The following CERS4 variants were observed in gnomAD, a reference collection of about 807,000 sequenced individuals.
CERS4 encodes ceramide synthase 4, also known as LAG1 homolog, ceramide synthase 4.
A neutral mutation model predicts 51.8 loss-of-function variants in CERS4; 65 were observed. The observed-to-expected ratio is 1.26, with a 90% CI of 1.03 to 1.54. The LOEUF (loss-of-function observed/expected upper bound fraction) is 1.54. Ranked by LOEUF, CERS4 falls within the 40% of genes most tolerant of loss-of-function variation. CERS4 has a pLI of 0.00. For missense variants in CERS4, 563 were observed against 500.4 expected (o/e 1.13, Z -1.19); for synonymous variants, 228 against 208.4 (o/e 1.09, Z -0.81).
chr19:8,249,849 AAAGTGCT>A (rs1968986250), intron 2 of CERS4, among the ~76,000 whole-genome samples: 3 of 151,586 alleles, frequency 2.0e-5, no homozygotes, highest in Admixed American at 1.3e-4. Context: ...TCGGCCTCCC[AAAGTGCT>A]GGGATTACAG....
intron 7 of CERS4, 32 bp downstream of exon 7, chr19:8,256,318 G>A: frequency 1.2e-6 from 2 of 1,610,796 alleles, no homozygotes; most frequent in Non-Finnish European, 1.7e-6. Flanking sequence ...AATGCTTGGA[G>A]GGTGAGGGCG....
chr19:8,219,819 C>CAA (rs550873858), intron 2 of CERS4, among the ~76,000 whole-genome samples: 4 of 139,264 alleles, frequency 2.9e-5, no homozygotes, highest in Non-Finnish European at 1.6e-5. Context: ...AACTCTGTTT[C>CAA]AAAAAAAAAA....
Position 8,257,673 on chromosome 19 carries a change from GC to G in CERS4, c.742-204del, listed in dbSNP as rs1969467905. Among the ~76,000 whole-genome samples, 3 of 152,140 alleles carry G rather than the reference GC, an allele frequency of 2.0e-5. No individual in the cohort carries two copies. In the South Asian group the frequency reaches 6.2e-4, roughly 32 times the overall value. On this transcript the variant is annotated intron_variant, in intron 9 of 11. Coordinates refer to ENST00000251363, the MANE Select transcript of CERS4 (RefSeq NM_024552.3). ...TCGAACTCCTGACCTCAGGTGATCT[GC>G]CTGCCTCAGCCTCCCAAAGTGCTGG...
intron 2 of CERS4, among the ~76,000 whole-genome samples, chr19:8,229,240 A>G (rs1967909533): frequency 6.6e-6 from 1 of 152,038 alleles, no homozygotes; most frequent in South Asian, 2.1e-4. Context: ...TGGGAGTATC[A>G]CCTGAGCCCA....
chr19:8,245,123 A>C (rs796197800), intron 2 of CERS4, among the ~76,000 whole-genome samples: 51 of 58,296 alleles, frequency 8.7e-4, no homozygotes, highest in East Asian at 3.3e-3. Flanking sequence ...AAAAAAAAAA[A>C]AAAAAAAAAA....
At chr19:8,241,814 C>CA (rs1197062889) in intron 2 of CERS4, among the ~76,000 whole-genome samples, 3 of 152,128 alleles carry the variant, frequency 2.0e-5, no homozygotes, top group Admixed American at 2.0e-4. Context: ...CTGAGCCTCA[C>CA]AATAGCCTGG....
chr19:8,251,251 T>G lies in CERS4; in HGVS notation c.173+2T>G, dbSNP rs1224278904. ...GGCCATGCGCCTTGCCTTTGAGAGG[T>G]GAGTGTCTGCCCTGCCGCAATCCAT... On this transcript the variant is annotated splice_donor_variant, in intron 3 of 11. Coordinates refer to ENST00000251363, the MANE Select transcript of CERS4 (RefSeq NM_024552.3). LOFTEE classifies it high-confidence loss of function. 1.3e-6 allele frequency: 2 copies of G among 1,595,278 alleles called. No homozygotes were observed. Among genetic ancestry groups the G allele is most frequent in the Admixed American group, 3.5e-5 (2 of 57,054 alleles).
chr19:8,257,181 C>T, intron 9 of CERS4, 104 bp downstream of exon 9: 3 of 1,236,682 alleles, frequency 2.4e-6, no homozygotes, highest in African/African-American at 1.5e-5. Context: ...GGAGATGGAG[C>T]CCCACCCCTC....
chr19:8,253,447 G>A (rs539112490), intron 3 of CERS4, among the ~76,000 whole-genome samples: 1 of 136,330 alleles, frequency 7.3e-6, no homozygotes, highest in South Asian at 2.2e-4. Context: ...AGGTCCAGCT[G>A]CCTTTTTTTT....
At chr19:8,211,392 C>A (rs537881080) in intron 2 of CERS4, among the ~76,000 whole-genome samples, 1 of 152,284 alleles carries the variant, frequency 6.6e-6, no homozygotes, top group East Asian at 1.9e-4. Flanking sequence ...GACCACCCCC[C>A]AGCCCTGTCC....
intron 2 of CERS4, among the ~76,000 whole-genome samples, chr19:8,214,009 G>A (rs1250332500): frequency 6.6e-6 from 1 of 152,016 alleles, no homozygotes; most frequent in Non-Finnish European, 1.5e-5. Context: ...TAGCATAGAA[G>A]AGACCTTCCC....
At chr19:8,249,586 G>GCTTTTT (rs1568528022) in intron 2 of CERS4, among the ~76,000 whole-genome samples, 1 of 57,938 alleles carries the variant, frequency 1.7e-5, no homozygotes, top group African/African-American at 5.6e-5. Flanking sequence ...AGGAACTCTG[G>GCTTTTT]ATTTTTTTTT....
chr19:8,260,369 ATT>A (rs57861384), intron 10 of CERS4, among the ~76,000 whole-genome samples: 44,346 of 138,820 alleles, frequency 0.32, 7,469 homozygotes, highest in South Asian at 0.49. Flanking sequence ...TAATTTTTGT[ATT>A]TTTTTTTTTT....
chr19:8,244,166 T>C (rs2967621), intron 2 of CERS4, among the ~76,000 whole-genome samples: 126,739 of 152,114 alleles, frequency 0.83, 52,978 homozygotes, highest in Middle Eastern at 0.87. Flanking sequence ...GACCAGGAGC[T>C]GGAGGGTGCA....
chr19:8,222,605 TCTC>T (rs1413450192), intron 2 of CERS4, among the ~76,000 whole-genome samples: 1 of 151,770 alleles, frequency 6.6e-6, no homozygotes, highest in Non-Finnish European at 1.5e-5. Context: ...TTCAAGCAAT[TCTC>T]CTGCTTCAGC....
At chr19:8,255,993 A>T in intron 6 of CERS4, 114 bp downstream of exon 6, 2 of 1,226,202 alleles carry the variant, frequency 1.6e-6, no homozygotes, top group Admixed American at 3.7e-5. Context: ...GCAGCTGAGG[A>T]GAGAGCGAGC....
chr19:8,223,874 G>A (rs1172901541), intron 2 of CERS4, among the ~76,000 whole-genome samples: 2 of 151,920 alleles, frequency 1.3e-5, no homozygotes, highest in East Asian at 1.9e-4. Context: ...CGAGGCGGGC[G>A]GATCATTTGA....
intron 2 of CERS4, among the ~76,000 whole-genome samples, chr19:8,224,635 C>A (rs1466448): frequency 0.82 from 124,708 of 152,058 alleles, 51,358 homozygotes; most frequent in African/African-American, 0.91. Context: ...TGGGGAGCAC[C>A]GTGCCAGGCC....
At chr19:8,242,404 T>C (rs1968574762) in intron 2 of CERS4, among the ~76,000 whole-genome samples, 1 of 152,176 alleles carries the variant, frequency 6.6e-6, no homozygotes, top group South Asian at 2.1e-4. Flanking sequence ...TTCCCCTTTC[T>C]GTGCCACTCA....
Sources: gnomAD v4.1 joint callset for allele counts (sites outside exome capture counted in the v4.1 genomes callset) on GRCh38, gnomAD v4.1.1 for gene constraint, MANE v1.5 for transcripts, NCBI Gene and HGNC (gene_info 2026-07-23, HGNC 2026-07-21) for gene names.